Variants in TPTE2 observed in about 807,000 individuals in gnomAD.
TPTE2 encodes the protein phosphatidylinositol 3,4,5-trisphosphate 3-phosphatase TPTE2.
A neutral mutation model predicts 78.6 loss-of-function variants in TPTE2; 53 were observed. That is an observed-to-expected ratio of 0.67 (90% CI 0.54 to 0.85). The LOEUF is 0.85. Among genes scored for constraint, TPTE2 ranks in the 40% least tolerant of loss-of-function variants. The pLI, the probability that TPTE2 is intolerant of heterozygous loss-of-function variation, is 0.00. For missense variants in TPTE2, 461 were observed against 623.0 expected, an observed-to-expected ratio of 0.74 and a Z score of 2.77; for synonymous variants, 175 against 206.2, an observed-to-expected ratio of 0.85 and a Z score of 1.30.
chr13:19,496,808 G>T (rs9508194), intron 1 of TPTE2, among the ~76,000 whole-genome samples: 2 of 152,136 alleles, frequency 1.3e-5, no homozygotes, highest in Non-Finnish European at 2.9e-5. Context: ...CAAGATGGCC[G>T]AACAGGAACA....
At chr13:19,544,082 A>AAAAAAAAT in the TPTE2 span, among the ~76,000 whole-genome samples, 1 of 140,496 alleles carries the variant, frequency 7.1e-6, no homozygotes, top group Non-Finnish European at 1.6e-5. Flanking sequence ...AAAAAAAAAA[A>AAAAAAAAT]GCCAAGAAAA....
chr13:19,514,897 C>T (rs1869701921), intron 1 of TPTE2, among the ~76,000 whole-genome samples: 1 of 151,992 alleles, frequency 6.6e-6, no homozygotes, highest in South Asian at 2.1e-4. Context: ...CTTCCTAGCA[C>T]CGAAACCCCT....
intron 1 of TPTE2, among the ~76,000 whole-genome samples, chr13:19,526,526 G>T (rs1334661758): frequency 6.6e-6 from 1 of 151,944 alleles, no homozygotes; most frequent in African/African-American, 2.4e-5. Flanking sequence ...GAGTACACAT[G>T]GGCACAAATA....
chr13:19,478,665 T>C (rs1349386180), intron 4 of TPTE2, among the ~76,000 whole-genome samples: 1 of 152,168 alleles, frequency 6.6e-6, no homozygotes, highest in Non-Finnish European at 1.5e-5. Flanking sequence ...ACTGGGTATA[T>C]ACCCAAAGGA....
At chr13:19,489,221 G>C (rs1880835566) in intron 3 of TPTE2, among the ~76,000 whole-genome samples, 1 of 152,086 alleles carries the variant, frequency 6.6e-6, no homozygotes, top group Non-Finnish European at 1.5e-5. Context: ...ATAATAAAAA[G>C]TTTGGAATAT....
At chr13:19,485,300 T>C (rs145041291) in intron 3 of TPTE2, among the ~76,000 whole-genome samples, 283 of 152,258 alleles carry the variant, frequency 1.9e-3, no homozygotes, top group African/African-American at 6.4e-3. Flanking sequence ...GTCTTCTTCA[T>C]TTGTAAAGGA....
chr13:19,433,079 T>C (rs528466164), intron 15 of TPTE2, among the ~76,000 whole-genome samples: 1 of 152,280 alleles, frequency 6.6e-6, no homozygotes, highest in African/African-American at 2.4e-5. Flanking sequence ...TTTCCTCAAT[T>C]CTGTTTTCTC....
intron 1 of TPTE2, among the ~76,000 whole-genome samples, chr13:19,497,340 G>T (rs1881409796): frequency 7.3e-6 from 1 of 137,546 alleles, no homozygotes; most frequent in South Asian, 2.8e-4. Context: ...CTCCACCTCT[G>T]GGGGCAGGGC....
In TPTE2 at chr13:19,470,789, G is replaced by C. The variant is rs186905109; in HGVS notation, c.392+3125C>G. Among the ~76,000 whole-genome samples the C allele has an allele frequency of 2.0e-5, 3 of 152,054 alleles. 1 individual carries two copies. Among genetic ancestry groups the C allele is most frequent in the Admixed American group, 6.5e-5 (1 of 15,268 alleles). ...AAACCACCCGCCTCTGCCTCCCAAA[G>C]TGCTGGGATTATAGAAGTGAGCCAC... On this transcript the variant is annotated intron_variant, in intron 6 of 19. Coordinates refer to ENST00000400230, the Ensembl canonical transcript of TPTE2.
intron 1 of TPTE2, among the ~76,000 whole-genome samples, chr13:19,517,911 A>C (rs1869904314): frequency 1.3e-5 from 2 of 152,218 alleles, no homozygotes; most frequent in South Asian, 4.1e-4. Flanking sequence ...ACCTCAGAGC[A>C]GAGATTATCT....
intron 7 of TPTE2, among the ~76,000 whole-genome samples, chr13:19,466,761 G>A (rs1879291561): frequency 6.6e-6 from 1 of 152,140 alleles, no homozygotes; most frequent in African/African-American, 2.4e-5. Flanking sequence ...CTTGGCTGTA[G>A]GAAAAATCCA....
intron 1 of TPTE2, among the ~76,000 whole-genome samples, chr13:19,521,470 A>T (rs189325802): frequency 6.6e-6 from 1 of 152,056 alleles, no homozygotes; most frequent in East Asian, 1.9e-4. Context: ...ATCTTGGTCT[A>T]AAACAAGTCT....
chr13:19,457,567 T>A (rs1416224941), intron 10 of TPTE2, among the ~76,000 whole-genome samples: 4 of 151,994 alleles, frequency 2.6e-5, no homozygotes, highest in African/African-American at 9.6e-5. Context: ...TGTTCCCCAT[T>A]GTGTGCTCAT....
upstream of TPTE2, among the ~76,000 whole-genome samples, chr13:19,506,679 A>G (rs1869074499): frequency 6.6e-6 from 1 of 152,236 alleles, no homozygotes; most frequent in Admixed American, 6.5e-5. Context: ...AACAACCAGC[A>G]AAAGCTAGCA....
chr13:19,460,149 C>CCAGA (rs1423140466), intron 10 of TPTE2, among the ~76,000 whole-genome samples: 9 of 152,166 alleles, frequency 5.9e-5, no homozygotes, highest in African/African-American at 2.2e-4. Flanking sequence ...GCTGATGTGC[C>CCAGA]CAGACTCCAT....
intron 13 of TPTE2, among the ~76,000 whole-genome samples, chr13:19,440,272 C>T (rs1436718887): frequency 6.6e-6 from 1 of 152,166 alleles, no homozygotes; most frequent in Admixed American, 6.5e-5. Context: ...TCAAAAAGTT[C>T]ACCATCAAGT....
intron 1 of TPTE2, among the ~76,000 whole-genome samples, chr13:19,528,774 G>C (rs1283642387): frequency 1.3e-5 from 2 of 152,192 alleles, no homozygotes; most frequent in Non-Finnish European, 2.9e-5. Flanking sequence ...TTGAATCTCA[G>C]AGACGGTTGG....
chr13:19,528,458 G>A (rs1173794178), intron 1 of TPTE2, among the ~76,000 whole-genome samples: 2 of 151,610 alleles, frequency 1.3e-5, no homozygotes, highest in Admixed American at 6.6e-5. Context: ...TCACTCTTAG[G>A]ATTTGCATAA....
chr13:19,433,314 G>A (rs947150584), intron 15 of TPTE2, among the ~76,000 whole-genome samples: 5 of 152,230 alleles, frequency 3.3e-5, no homozygotes, highest in Middle Eastern at 3.4e-3. Flanking sequence ...GACCAGCCTC[G>A]CCAACAGGGT....
Sources: allele counts gnomAD v4.1 joint callset (sites outside exome capture counted in the v4.1 genomes callset), GRCh38; gene constraint gnomAD v4.1.1; transcripts MANE v1.5; gene names NCBI Gene and HGNC (gene_info 2026-07-23, HGNC 2026-07-21).